VPS13A: variants seen among roughly 807,000 people sequenced by gnomAD.
VPS13A encodes vacuolar protein sorting 13 homolog A.
VPS13A carries 264 observed loss-of-function variants against 390.9 expected under a neutral mutation model. The ratio of observed to expected loss-of-function variants is 0.68; its 90% CI spans 0.61 to 0.75. The LOEUF (loss-of-function observed/expected upper bound fraction) is 0.75. Among genes scored for constraint, VPS13A ranks in the 30% least tolerant of loss-of-function variants. The probability of loss-of-function intolerance (pLI) is 0.00; values close to 1 mark genes in which losing one functional copy is unlikely to be tolerated. For synonymous variants in VPS13A, 1,231 were observed against 1,227.1 expected, an observed-to-expected ratio of 1.00 and a Z score of -0.07; for missense variants, 3,409 against 3,733.9, an observed-to-expected ratio of 0.91 and a Z score of 2.27.
chr9:77,177,704 C>T lies in VPS13A; in HGVS notation c.-1C>T, dbSNP rs1330219349. ...TGCCGTGCCCACCACGGCTGAGGAA[C>T]ATGGTTTTCGAGTCGGTGGTCGTGG... On this transcript the variant is annotated 5_prime_UTR_variant, in exon 1 of 72. Coordinates refer to ENST00000360280, the MANE Select transcript of VPS13A (RefSeq NM_033305.3). The T allele has an allele frequency of 1.9e-6, 3 of 1,613,098 alleles. No homozygotes were observed. Among genetic ancestry groups the T allele is most frequent in the Non-Finnish European group, 1.7e-6 (2 of 1,179,506 alleles).
At position 77,177,540 on chromosome 9, in the gene VPS13A, G is replaced by T; in HGVS notation, c.-165G>T. The T allele has an allele frequency of 1.5e-6, 1 of 651,716 alleles. No individual in the cohort carries two copies. Among genetic ancestry groups the T allele is most frequent in the South Asian group, 1.7e-5 (1 of 59,656 alleles). The allele number at this position is 651,716 out of a possible 1,614,324, so 40.4% of individuals were successfully genotyped here. On this transcript the variant is annotated 5_prime_UTR_variant, in exon 1 of 72. Coordinates refer to ENST00000360280, the MANE Select transcript of VPS13A (RefSeq NM_033305.3). Reference sequence around the variant, plus strand: ...ACGCGTCGTGAGAGCGACCGCCTCCGTCTCTCGCTGGGCTCGCTAGGGCTG... The same window carrying T: ...ACGCGTCGTGAGAGCGACCGCCTCCTTCTCTCGCTGGGCTCGCTAGGGCTG...
intron 46 of VPS13A, 21 bp from the exon 47 acceptor site, chr9:77,337,232 CTG>C (rs2131498287): frequency 4.4e-6 from 7 of 1,601,730 alleles, no homozygotes; most frequent in African/African-American, 2.7e-5. Flanking sequence ...ACATTTTAAA[CTG>C]TATCATTTAA....
chr9:77,396,222 G>T (rs1834113985), intron 68 of VPS13A, among the ~76,000 whole-genome samples: 2 of 152,140 alleles, frequency 1.3e-5, no homozygotes, highest in Non-Finnish European at 2.9e-5. Context: ...GCTTTTGGTT[G>T]TACCAGTTGA....
intron 69 of VPS13A, among the ~76,000 whole-genome samples, chr9:77,405,193 G>A (rs1834546140): frequency 6.6e-6 from 1 of 152,092 alleles, no homozygotes; most frequent in Non-Finnish European, 1.5e-5. Flanking sequence ...GATGCTTTTT[G>A]AAGTCTTCCT....
intron 23 of VPS13A, among the ~76,000 whole-genome samples, chr9:77,262,793 A>G (rs530679383): frequency 2.8e-4 from 42 of 152,166 alleles, no homozygotes; most frequent in Non-Finnish European, 4.1e-4. Flanking sequence ...ATAGTAGTCT[A>G]TGGTATATAT....
At chr9:77,393,771 T>C (rs944470188) in intron 68 of VPS13A, among the ~76,000 whole-genome samples, 5 of 152,302 alleles carry the variant, frequency 3.3e-5, no homozygotes, top group Middle Eastern at 3.4e-3. Context: ...CTAGGATTTT[T>C]TCTTTTTCTT....
At chr9:77,250,678 A>C (rs1409557932) in intron 21 of VPS13A, among the ~76,000 whole-genome samples, 1 of 152,234 alleles carries the variant, frequency 6.6e-6, no homozygotes, top group Non-Finnish European at 1.5e-5. Flanking sequence ...GCCAGAAGTA[A>C]GCAGCCTAGG....
In VPS13A at chr9:77,201,353, T is replaced by C; in HGVS notation, c.145-12T>C. On this transcript the variant is annotated splice_polypyrimidine_tract_variant and intron_variant, in intron 2 of 71. Coordinates refer to ENST00000360280, the MANE Select transcript of VPS13A (RefSeq NM_033305.3). ...TACTAATGTTTTGTGTATATATAAA[T>C]TTTTTCTGTAGAGTCAACTGGATGT... 1 of 1,592,732 alleles carries C rather than the reference T, an allele frequency of 6.3e-7. No individual in the cohort carries two copies. Among genetic ancestry groups the C allele is most frequent in the African/African-American group, 1.3e-5 (1 of 74,528 alleles).
intron 61 of VPS13A, among the ~76,000 whole-genome samples, chr9:77,367,801 T>A (rs762688489): frequency 6.6e-6 from 1 of 152,180 alleles, no homozygotes; most frequent in Non-Finnish European, 1.5e-5. Context: ...ACTCTCGAAT[T>A]TACATGAAAA....
At chr9:77,293,692 T>C (rs1048450483) in intron 32 of VPS13A, among the ~76,000 whole-genome samples, 184 bp downstream of exon 32, 1 of 151,886 alleles carries the variant, frequency 6.6e-6, no homozygotes, top group Non-Finnish European at 1.5e-5. Flanking sequence ...CGTTTTGACA[T>C]AGGAATATTC....
intron 20 of VPS13A, among the ~76,000 whole-genome samples, chr9:77,248,435 G>C (rs531354700): frequency 7.9e-5 from 12 of 151,626 alleles, no homozygotes; most frequent in African/African-American, 2.7e-4. Flanking sequence ...AGCCAGGATG[G>C]TCTCGATCTC....
intron 68 of VPS13A, among the ~76,000 whole-genome samples, chr9:77,398,302 A>G (rs1163461874): frequency 1.3e-5 from 2 of 152,198 alleles, no homozygotes; most frequent in African/African-American, 4.8e-5. Context: ...TGGTATAGTG[A>G]AACGCACTGG....
chr9:77,310,331 A>T (rs1341445834), intron 35 of VPS13A, among the ~76,000 whole-genome samples: 1 of 152,182 alleles, frequency 6.6e-6, no homozygotes, highest in Non-Finnish European at 1.5e-5. Context: ...CTTTAAGGAA[A>T]GAAAAAAAAA....
At chr9:77,297,418 C>A (rs1277044152) in intron 33 of VPS13A, among the ~76,000 whole-genome samples, 1 of 152,066 alleles carries the variant, frequency 6.6e-6, no homozygotes. Context: ...TGGGTCCCCC[C>A]TCCCTGTACC....
chr9:77,256,638 TCAGTGCTTG>T (rs755321994), intron 22 of VPS13A, among the ~76,000 whole-genome samples: 53 of 152,308 alleles, frequency 3.5e-4, no homozygotes, highest in Non-Finnish European at 7.2e-4. Flanking sequence ...CTTAATTGTG[TCAGTGCTTG>T]CTTTATATAT....
chr9:77,187,810 C>A (rs1382032838), intron 1 of VPS13A, among the ~76,000 whole-genome samples: 3 of 151,902 alleles, frequency 2.0e-5, no homozygotes, highest in African/African-American at 7.3e-5. Context: ...ATTTTGTCAC[C>A]CAGGTAGAGA....
At chr9:77,207,246 TATA>T (rs1342203416) in intron 5 of VPS13A, among the ~76,000 whole-genome samples, 5 of 118,966 alleles carry the variant, frequency 4.2e-5, no homozygotes, top group African/African-American at 1.3e-4. Flanking sequence ...TATATATATA[TATA>T]TATAAAACGT....
intron 36 of VPS13A, 149 bp from the exon 37 acceptor site, chr9:77,314,346 T>C: frequency 3.3e-6 from 3 of 916,354 alleles, no homozygotes; most frequent in East Asian, 2.6e-5. Context: ...GTGATATGTA[T>C]ATATTTTTAG....
At chr9:77,374,370 G>GC (rs1295823834) in intron 67 of VPS13A, among the ~76,000 whole-genome samples, 1 of 152,094 alleles carries the variant, frequency 6.6e-6, no homozygotes, top group Non-Finnish European at 1.5e-5. Flanking sequence ...AACGTTACTT[G>GC]AACACAAGCA....
Sources: allele counts gnomAD v4.1 joint callset (sites outside exome capture counted in the v4.1 genomes callset), GRCh38; gene constraint gnomAD v4.1.1; transcripts MANE v1.5; gene names NCBI Gene and HGNC (gene_info 2026-07-23, HGNC 2026-07-21).